MRAP: variants seen among roughly 807,000 people sequenced by gnomAD.
MRAP encodes the protein melanocortin 2 receptor accessory protein, also known as melanocortin-2 receptor accessory protein.
In MRAP, 8 loss-of-function variants were observed where a neutral mutation model predicts 8.7. The observed-to-expected ratio is 0.92, with a 90% CI of 0.54 to 1.66. The LOEUF is 1.66. Among genes scored for constraint, MRAP ranks in the 40% most tolerant of loss-of-function variants. The pLI is 0.00. For synonymous variants in MRAP, 95 were observed against 95.5 expected, an observed-to-expected ratio of 1.00 and a Z score of 0.03; for missense variants, 237 against 217.1, an observed-to-expected ratio of 1.09 and a Z score of -0.58.
upstream of MRAP, chr21:32,298,802 T>C (rs1367670384): frequency 1.6e-6 from 1 of 624,654 alleles, no homozygotes; most frequent in Non-Finnish European, 2.9e-6. Flanking sequence ...CCCCTGACCT[T>C]TCTTCCAGCC....
chr21:32,306,957 G>C (rs1481588101), intron 2 of MRAP: 8 of 602,190 alleles, frequency 1.3e-5, no homozygotes, highest in Non-Finnish European at 2.1e-5. Context: ...TCAGTGCTCA[G>C]TATGTTGCAG....
chr21:32,297,096 T>C (rs2032154218), upstream of MRAP, among the ~76,000 whole-genome samples: 1 of 152,208 alleles, frequency 6.6e-6, no homozygotes, highest in Non-Finnish European at 1.5e-5. Flanking sequence ...TTGACTGTAT[T>C]TGATCTTTGT....
chr21:32,313,871 A>G (rs1312360633), downstream of MRAP: 3 of 152,256 alleles, frequency 2.0e-5, no homozygotes, highest in African/African-American at 7.2e-5. Context: ...ATTAAGAGTA[A>G]AATTCTGACC....
chr21:32,298,935 C>T lies in MRAP; in HGVS notation c.-37C>T, dbSNP rs773747386. The T allele has an allele frequency of 4.0e-6, 6 of 1,516,964 alleles. No individual in the cohort carries two copies. In the South Asian group the frequency reaches 6.8e-5, roughly 17 times the overall value. 94.0% of individuals were successfully genotyped at this position (1,516,964 alleles called of 1,614,324 possible). A position where few individuals can be genotyped will look rare whatever the true frequency, so the allele number is the denominator to read the frequency against. ...GCTTGGCGCCTGGCTCGAGGCGAGGCTGCCGGCCCGGACGCTGACTGCCCA... is the reference window on the plus strand; with the variant it reads ...GCTTGGCGCCTGGCTCGAGGCGAGGTTGCCGGCCCGGACGCTGACTGCCCA... On this transcript the variant is annotated 5_prime_UTR_variant, in exon 1 of 3. Coordinates refer to ENST00000303645, the MANE Select transcript of MRAP (RefSeq NM_001379228.1).
chr21:32,304,965 GTTTTTTTT>G (rs537525538), intron 1 of MRAP, among the ~76,000 whole-genome samples: 20 of 78,130 alleles, frequency 2.6e-4, no homozygotes, highest in East Asian at 1.2e-3. Flanking sequence ...TTTTTTTGTT[GTTTTTTTT>G]TTTTTTTTTT....
chr21:32,292,038 T>C (rs1461957233), intron 1 of MRAP, among the ~76,000 whole-genome samples: 6 of 152,092 alleles, frequency 3.9e-5, no homozygotes, highest in Admixed American at 3.3e-4. Flanking sequence ...TGCTCCCAAT[T>C]TGAGCAAATT....
intron 1 of MRAP, among the ~76,000 whole-genome samples, chr21:32,300,034 C>G (rs543495909): frequency 1.3e-5 from 2 of 152,296 alleles, no homozygotes; most frequent in East Asian, 3.9e-4. Flanking sequence ...GAAACCCATG[C>G]GCTACCTATC....
chr21:32,313,154 C>G (rs1436369964), downstream of MRAP: 2 of 152,232 alleles, frequency 1.3e-5, no homozygotes, highest in African/African-American at 4.8e-5. Context: ...GCCCTAAGAA[C>G]CTGGGAGGCA....
In MRAP at chr21:32,300,630, T is replaced by TGCGTCACACGTCCTATGCCGGGG. The variant is rs1342989471; in HGVS notation, c.106+1571_106+1593dup. 1.8e-4 allele frequency among the ~76,000 whole-genome samples: 22 copies of TGCGTCACACGTCCTATGCCGGGG among 122,884 alleles called. 1 individual carries two copies. In the South Asian group the frequency reaches 4.9e-3, roughly 27 times the overall value. The allele number at this position is 122,884 out of a possible 152,430, so 80.6% of individuals were successfully genotyped here. On this transcript the variant is annotated intron_variant, in intron 1 of 2. Transcript: ENST00000303645. Reference sequence around the variant, plus strand: ...GATATGTCACGCGTCGTATGTCAGATGCGTCACACGTCCTATGCCGGGGGC... The same window carrying TGCGTCACACGTCCTATGCCGGGG: ...GATATGTCACGCGTCGTATGTCAGATGCGTCACACGTCCTATGCCGGGGGCGTCACACGTCCTATGCCGGGGGC...
upstream of MRAP, among the ~76,000 whole-genome samples, chr21:32,296,786 A>G (rs891886447): frequency 7.9e-5 from 12 of 152,346 alleles, no homozygotes; most frequent in East Asian, 2.3e-3. Context: ...TTTTAAAAAT[A>G]GTACATCTGT....
At chr21:32,299,109 G>A in intron 1 of MRAP, 32 bp downstream of exon 1, 1 of 1,576,350 alleles carries the variant, frequency 6.3e-7, no homozygotes, top group Non-Finnish European at 8.7e-7. Context: ...CGGTCAGACA[G>A]AGGCTGGGGG....
chr21:32,299,054 A>C lies in MRAP; in HGVS notation c.83A>C (p.Glu28Ala). Residue 28 changes from glutamate (E) to alanine (A), a missense_variant, in exon 1 of 3, where the codon GAG becomes GCG. Transcript: ENST00000303645. The stretch of plus-strand genomic sequence containing the variant: ...TATCTGGACCTCATTCCCGTGGACG[A>C]GAAGAAGCTGAAAGCCCACAAACGT... ...LDYLDLIPVD[E>A]KKLKAHKHSI... is the part of the protein sequence containing the mutation. 1 of 1,614,094 alleles carries C rather than the reference A, an allele frequency of 6.2e-7. No homozygotes were observed. Among genetic ancestry groups the C allele is most frequent in the Non-Finnish European group, 8.5e-7 (1 of 1,179,944 alleles).
At chr21:32,293,697 A>G (rs1377229510) in intron 2 of MRAP, among the ~76,000 whole-genome samples, 1 of 150,878 alleles carries the variant, frequency 6.6e-6, no homozygotes, top group Non-Finnish European at 1.5e-5. Context: ...AACATCCTAG[A>G]AAAAAGAACT....
intron 2 of MRAP, among the ~76,000 whole-genome samples, chr21:32,307,890 G>C (rs2032458694): frequency 6.6e-6 from 1 of 151,956 alleles, no homozygotes; most frequent in South Asian, 2.1e-4. Context: ...CAAACAAAAA[G>C]TTCTAAAATT....
chr21:32,307,506 G>A (rs1364494604), intron 2 of MRAP, among the ~76,000 whole-genome samples: 1 of 151,846 alleles, frequency 6.6e-6, no homozygotes, highest in East Asian at 1.9e-4. Context: ...GAACCCAGGT[G>A]GCGGAGGTTG....
intron 1 of MRAP, among the ~76,000 whole-genome samples, chr21:32,300,496 GAT>G (rs1491231819): frequency 2.8e-4 from 42 of 150,168 alleles, no homozygotes; most frequent in African/African-American, 1.0e-3. Flanking sequence ...TCCTATGTCG[GAT>G]GTGTCACGCA....
intron 1 of MRAP, among the ~76,000 whole-genome samples, chr21:32,300,156 TAG>T (rs374117134): frequency 3.3e-5 from 5 of 152,208 alleles, no homozygotes; most frequent in African/African-American, 1.2e-4. Context: ...TCCCACCAAC[TAG>T]AGAGGATCAC....
rs965359931 is a variant in MRAP at position 32,312,167 on chromosome 21, C to T, written c.*171C>T. On this transcript the variant is annotated 3_prime_UTR_variant, in exon 3 of 3. Transcript: ENST00000303645. ...CCTTTGACAAAGATTGCAGTGGCCC[C>T]TCGAGTGCAGAGGTCATCCCAGGTG... The T allele has an allele frequency of 2.6e-5, 39 of 1,517,566 alleles. No homozygotes were observed. Among genetic ancestry groups the T allele is most frequent in the Non-Finnish European group, 3.2e-5 (36 of 1,137,030 alleles). The allele number at this position is 1,517,566 out of a possible 1,614,324, so 94.0% of individuals were successfully genotyped here.
chr21:32,297,720 C>T (rs2032165531), upstream of MRAP, among the ~76,000 whole-genome samples: 1 of 152,182 alleles, frequency 6.6e-6, no homozygotes, highest in African/African-American at 2.4e-5. Context: ...TATGGAAAAG[C>T]CCACAAGTCT....
Sources: gnomAD v4.1 joint callset for allele counts (sites outside exome capture counted in the v4.1 genomes callset) on GRCh38, gnomAD v4.1.1 for gene constraint, MANE v1.5 for transcripts, NCBI Gene and HGNC (gene_info 2026-07-23, HGNC 2026-07-21) for gene names.